CCDC187: variants seen among roughly 807,000 people sequenced by gnomAD.
The protein encoded by CCDC187 is coiled-coil domain containing 187, also known as coiled-coil domain-containing protein 187.
A neutral mutation model predicts 38.0 loss-of-function variants in CCDC187; 32 were observed. The ratio of observed to expected loss-of-function variants is 0.84; its 90% confidence interval spans 0.64 to 1.13. The LOEUF is 1.13. Among genes scored for constraint, CCDC187 ranks in the 50% most tolerant of loss-of-function variants. CCDC187 has a pLI of 0.00. For synonymous variants in CCDC187, 333 were observed against 347.9 expected (o/e 0.96, Z 0.48); for missense variants, 707 against 786.8 (o/e 0.90, Z 1.21).
chr9:136,251,773 AG>A lies in CCDC187; in HGVS notation c.*1820del, dbSNP rs1260976853. 4 of 153,478 alleles carry A rather than the reference AG, an allele frequency of 2.6e-5. No homozygotes were observed. The highest frequency in any genetic ancestry group is 9.6e-5 in the African/African-American group (4 of 41,458). 9.5% of individuals were successfully genotyped at this position (153,478 alleles called of 1,614,324 possible). ...CTTCGTGGCTTTGATGCGAAGAAGC[AG>A]GTGTGCAGTCCGGGCCTGGCTTCAG... On this transcript the variant is annotated 3_prime_UTR_variant, in exon 26 of 26. Coordinates refer to ENST00000638797, the MANE Select transcript of CCDC187 (RefSeq NM_001378188.1).
At chr9:136,289,392 G>T (rs1013940484) in intron 7 of CCDC187, among the ~76,000 whole-genome samples, 6 of 151,888 alleles carry the variant, frequency 4.0e-5, no homozygotes, top group Non-Finnish European at 8.8e-5. Flanking sequence ...TGTGGCAGGT[G>T]CCTATAATCC....
rs528010594 is a variant in CCDC187, at chr9:136,259,393, C to T, written c.4266G>A (p.Pro1422=). Residue 1422 remains proline, a synonymous_variant, in exon 21 of 26, where the codon CCG becomes CCA. Coordinates refer to ENST00000638797, the MANE Select transcript of CCDC187 (RefSeq NM_001378188.1). ...PLLGLQHVSP[P]DGQRLGPAFP... is the part of the protein sequence containing the mutation. ...AGGCTGGGCCCAGCCGCTGTCCGTC[C>T]GGGGGGCTCACGTGCTGCAGGCCCA... 1.9e-4 allele frequency: 184 copies of T among 984,802 alleles called. No individual in the cohort carries two copies. Among genetic ancestry groups the T allele is most frequent in the Non-Finnish European group, 2.1e-4 (177 of 829,932 alleles). The allele number at this position is 984,802 out of a possible 1,614,324, so 61.0% of individuals were successfully genotyped here.
intron 4 of CCDC187, among the ~76,000 whole-genome samples, chr9:136,293,806 A>ACACACATGCTCTCACACTCACACTAC (rs1831448228): frequency 6.6e-6 from 1 of 151,908 alleles, no homozygotes. Context: ...TTTCACACAG[A>ACACACATGCTCTCACACTCACACTAC]CACACATGCT....
chr9:136,271,648 G>C (rs558581366), intron 14 of CCDC187, among the ~76,000 whole-genome samples: 3,401 of 133,318 alleles, frequency 0.026, 135 homozygotes, highest in African/African-American at 0.09. Context: ...CACTCTGTCA[G>C]CCAGGCTGGA....
rs1831306133 is a variant in CCDC187, at chr9:136,290,791, AGCTCCCGGTGGGCCTTG to A, written c.1805_1821del (p.Pro602LeufsTer30). The A allele has an allele frequency of 2.5e-6, 1 of 398,498 alleles. No individual in the cohort carries two copies. The highest frequency in any genetic ancestry group is 2.1e-5 in the African/African-American group (1 of 48,728). The allele number at this position is 398,498 out of a possible 1,614,324, so 24.7% of individuals were successfully genotyped here. A position where few individuals can be genotyped will look rare whatever the true frequency, so the allele number is the denominator to read the frequency against. The stretch of plus-strand genomic sequence containing the variant: ...TCCTTCCCAAGTGGGTTCTGAGGGA[AGCTCCCGGTGGGCCTTG>A]GCAGGGCATGCTTGGCAGCCGAGAC... On this transcript the variant is annotated frameshift_variant, in exon 6 of 26. Transcript: ENST00000638797. LOFTEE classifies it high-confidence loss of function.
chr9:136,273,285 A>G (rs574983462), intron 14 of CCDC187, among the ~76,000 whole-genome samples: 1 of 152,344 alleles, frequency 6.6e-6, no homozygotes, highest in South Asian at 2.1e-4. Flanking sequence ...ACACACTTCA[A>G]ATACAAAGAT....
intron 6 of CCDC187, 126 bp downstream of exon 6, chr9:136,290,360 C>T (rs1288176812): frequency 2.5e-6 from 1 of 397,762 alleles, no homozygotes; most frequent in Non-Finnish European, 4.4e-6. Context: ...AAGTCCCCAG[C>T]CCCCAGCTGC....
intron 3 of CCDC187, among the ~76,000 whole-genome samples, chr9:136,299,803 G>A (rs1294055123): frequency 6.6e-6 from 1 of 152,180 alleles, no homozygotes; most frequent in African/African-American, 2.4e-5. Flanking sequence ...GGCTGGGGGG[G>A]CAGTGCCTCC....
intron 14 of CCDC187, 51 bp downstream of exon 14, chr9:136,274,606 CG>C (rs1347933657): frequency 1.3e-5 from 2 of 152,482 alleles, no homozygotes; most frequent in African/African-American, 4.8e-5. Flanking sequence ...TCACACTGGC[CG>C]AGGGCTCTGC....
At chr9:136,300,890 C>T (rs947767909) in intron 2 of CCDC187, among the ~76,000 whole-genome samples, 12 of 152,350 alleles carry the variant, frequency 7.9e-5, no homozygotes, top group Non-Finnish European at 1.6e-4. Context: ...CGTGAGCCAC[C>T]GCGCCCAGCC....
At chr9:136,269,465 T>C (rs1554762077) in intron 14 of CCDC187, among the ~76,000 whole-genome samples, 1 of 152,018 alleles carries the variant, frequency 6.6e-6, no homozygotes, top group Admixed American at 6.6e-5. Flanking sequence ...CTGGCTAACA[T>C]GGTGAAACCC....
intron 12 of CCDC187, among the ~76,000 whole-genome samples, chr9:136,275,984 C>T (rs1397056898): frequency 6.6e-6 from 1 of 152,150 alleles, no homozygotes; most frequent in Non-Finnish European, 1.5e-5. Flanking sequence ...CCCCCCAGTG[C>T]CAGCGCCCCC....
intron 9 of CCDC187, among the ~76,000 whole-genome samples, chr9:136,285,195 C>T (rs1023057246): frequency 6.6e-5 from 10 of 152,214 alleles, no homozygotes; most frequent in African/African-American, 2.4e-4. Context: ...GAGTCACTGT[C>T]CCTGCACTCA....
chr9:136,274,592 G>A (rs1055804224), intron 14 of CCDC187, 66 bp downstream of exon 14: 13 of 152,450 alleles, frequency 8.5e-5, no homozygotes, highest in Non-Finnish European at 1.5e-4. Context: ...CCCCCCTCTC[G>A]GGTTCACACT....
intron 18 of CCDC187, among the ~76,000 whole-genome samples, chr9:136,263,326 C>T (rs1564308458): frequency 6.6e-6 from 1 of 151,752 alleles, no homozygotes; most frequent in Non-Finnish European, 1.5e-5. Flanking sequence ...CTCCGCCCCC[C>T]GGGGTTCATG....
chr9:136,268,113 G>A lies in CCDC187; in HGVS notation c.3455C>T (p.Pro1152Leu). The change falls in exon 15 of 26, where the codon CCT becomes CTT. Residue 1152 changes from proline (P) to leucine (L), a missense_variant. By Grantham distance (98) the Pro-to-Leu change is moderately conservative (BLOSUM62 -3). Coordinates refer to ENST00000638797, the MANE Select transcript of CCDC187 (RefSeq NM_001378188.1). ...GGGAAGCTGGGAGAGGGCTCCGTCA[G>A]GGCCCTCCACCTCTGAGGAAGGAAG... Reference protein sequence around the residue: ...AKPASAEVEGPDGALSQLPLA... With the variant: ...AKPASAEVEGLDGALSQLPLA... The A allele has an allele frequency of 4.1e-6, 4 of 985,512 alleles. No individual in the cohort carries two copies. Among genetic ancestry groups the A allele is most frequent in the Non-Finnish European group, 3.6e-6 (3 of 829,962 alleles). 61.0% of individuals were successfully genotyped at this position (985,512 alleles called of 1,614,324 possible).
chr9:136,284,548 A>G (rs1456323359), intron 9 of CCDC187, among the ~76,000 whole-genome samples: 1 of 152,008 alleles, frequency 6.6e-6, no homozygotes, highest in African/African-American at 2.4e-5. Context: ...GAGGGGTGAG[A>G]GTGGCCGGGA....
chr9:136,260,785 G>A (rs906297650), intron 19 of CCDC187, among the ~76,000 whole-genome samples: 2 of 152,210 alleles, frequency 1.3e-5, no homozygotes, highest in African/African-American at 2.4e-5. Context: ...GGGTGAGCAG[G>A]AGGTTCAGAG....
chr9:136,297,043 G>A (rs1019133051), intron 4 of CCDC187, among the ~76,000 whole-genome samples: 30 of 152,142 alleles, frequency 2.0e-4, no homozygotes, highest in Admixed American at 1.2e-3. Context: ...GTGTGACAAA[G>A]AAAGCAAGCA....
Sources: gnomAD v4.1 joint callset for allele counts (sites outside exome capture counted in the v4.1 genomes callset) on GRCh38, gnomAD v4.1.1 for gene constraint, MANE v1.5 for transcripts, NCBI Gene and HGNC (gene_info 2026-07-23, HGNC 2026-07-21) for gene names.